Variants in TMEM132D observed in about 807,000 individuals in gnomAD.
The protein encoded by TMEM132D is transmembrane protein 132D.
TMEM132D carries 21 observed loss-of-function variants against 62.3 expected under a neutral mutation model. That is an observed-to-expected ratio of 0.34 (90% CI 0.24 to 0.49). The LOEUF (loss-of-function observed/expected upper bound fraction) is 0.49, where lower values mean the gene tolerates loss of function less well. Ranked by LOEUF, TMEM132D falls within the 20% of genes least tolerant of loss-of-function variation. The probability of loss-of-function intolerance (pLI) is 0.99; values close to 1 mark genes in which losing one functional copy is unlikely to be tolerated. For missense variants in TMEM132D, 1,346 were observed against 1,402.8 expected, an observed-to-expected ratio of 0.96 and a Z score of 0.65; for synonymous variants, 621 against 575.6, an observed-to-expected ratio of 1.08 and a Z score of -1.13.
intron 2 of TMEM132D, among the ~76,000 whole-genome samples, chr12:129,655,131 T>C (rs1463364284): frequency 6.6e-6 from 1 of 151,880 alleles, no homozygotes; most frequent in Non-Finnish European, 1.5e-5. Flanking sequence ...CTATTTTTAG[T>C]AGAGATGGGG....
chr12:129,812,526 G>A (rs184476752), intron 1 of TMEM132D, among the ~76,000 whole-genome samples: 9 of 151,532 alleles, frequency 5.9e-5, no homozygotes, highest in Admixed American at 3.3e-4. Flanking sequence ...CCATTTCCTC[G>A]TTAGTCTTCA....
rs188325488 is a variant in TMEM132D at position 129,895,017 on chromosome 12, C to T, written c.79+8244G>A. Among the ~76,000 whole-genome samples the T allele has an allele frequency of 1.5e-4, 23 of 152,260 alleles. 2 individuals carry two copies. The South Asian group carries it at 3.3e-3, about 22-fold the overall frequency. Reference sequence around the variant, plus strand: ...TGTGTAGCTGCTCTTCTGAGGTTTGCGCGAAGGAGCTCATCTGTTTGGACA... The same window carrying T: ...TGTGTAGCTGCTCTTCTGAGGTTTGTGCGAAGGAGCTCATCTGTTTGGACA... On this transcript the variant is annotated intron_variant, in intron 1 of 8. Transcript: ENST00000422113.
At chr12:129,812,781 C>G (rs1872224853) in intron 1 of TMEM132D, among the ~76,000 whole-genome samples, 1 of 151,704 alleles carries the variant, frequency 6.6e-6, no homozygotes, top group Admixed American at 6.6e-5. Flanking sequence ...TGTGATCCAA[C>G]CAAGATGTGG....
At chr12:129,700,765 T>C (rs1881368227) in intron 1 of TMEM132D, 67 bp from the exon 2 acceptor site, 1 of 1,507,148 alleles carries the variant, frequency 6.6e-7, no homozygotes, top group South Asian at 1.3e-5. Flanking sequence ...ATTTCAGACA[T>C]CTGCGTGCCC....
intron 1 of TMEM132D, among the ~76,000 whole-genome samples, chr12:129,712,798 C>T (rs551076418): frequency 2.0e-5 from 3 of 152,238 alleles, no homozygotes; most frequent in African/African-American, 4.8e-5. Flanking sequence ...TCCTCTCCTT[C>T]GCTTTCTTCC....
intron 4 of TMEM132D, among the ~76,000 whole-genome samples, chr12:129,335,923 T>C (rs1290498602): frequency 6.6e-6 from 1 of 152,194 alleles, no homozygotes; most frequent in African/African-American, 2.4e-5. Flanking sequence ...CTTTGGCCTT[T>C]TTAAGTTTTG....
rs549472406 is a variant in TMEM132D at position 129,266,399 on chromosome 12, CT to C, written c.1300-56737del. Among the ~76,000 whole-genome samples the C allele has an allele frequency of 4.0e-4, 61 of 150,944 alleles. 1 individual carries two copies. The East Asian group carries it at 0.012, about 29-fold the overall frequency. ...CCCTCCTCTCCCCTTCCTTTCTCTT[CT>C]CTCCTCTTCTCTTCTCCTGTTCTGC... On this transcript the variant is annotated intron_variant, in intron 4 of 8. Transcript: ENST00000422113.
intron 3 of TMEM132D, among the ~76,000 whole-genome samples, chr12:129,482,146 A>G (rs1303779304): frequency 1.3e-5 from 2 of 152,098 alleles, no homozygotes; most frequent in Non-Finnish European, 2.9e-5. Context: ...CCCCAGACAC[A>G]CGGGCATTCC....
At chr12:129,549,737 C>A (rs1432585872) in intron 2 of TMEM132D, among the ~76,000 whole-genome samples, 2 of 152,196 alleles carry the variant, frequency 1.3e-5, no homozygotes, top group African/African-American at 4.8e-5. Flanking sequence ...GAACTGTGAG[C>A]TGAAGGCCTG....
At chr12:129,778,152 A>G (rs1366707999) in intron 1 of TMEM132D, among the ~76,000 whole-genome samples, 1 of 148,404 alleles carries the variant, frequency 6.7e-6, no homozygotes, top group Non-Finnish European at 1.5e-5. Context: ...CTTTACCCTT[A>G]TATAATTTTT....
intron 3 of TMEM132D, among the ~76,000 whole-genome samples, chr12:129,483,186 G>C (rs1302250009): frequency 6.6e-6 from 1 of 152,184 alleles, no homozygotes; most frequent in Non-Finnish European, 1.5e-5. Flanking sequence ...TGAACGTACA[G>C]TCTGCATGTC....
In TMEM132D at chr12:129,827,427, C is replaced by G. The variant is rs1872691872; in HGVS notation, c.79+75834G>C. Among the ~76,000 whole-genome samples the G allele has an allele frequency of 1.3e-5, 2 of 152,172 alleles. No individual in the cohort carries two copies. ...GCTGAACCAAAACAGGCTTTCTTCT[C>G]CCTTCCATGGTCCTCATATAAGCAA... On this transcript the variant is annotated intron_variant, in intron 1 of 8. Transcript: ENST00000422113. The surrounding 1 kb of genome is among the most constrained non-coding windows in gnomAD (Gnocchi z 9.7).
intron 3 of TMEM132D, among the ~76,000 whole-genome samples, chr12:129,498,619 T>C (rs1875035209): frequency 6.6e-6 from 1 of 152,228 alleles, no homozygotes; most frequent in African/African-American, 2.4e-5. Context: ...TCTCTACTGG[T>C]TAACTTGGTC....
chr12:129,754,064 C>T (rs1054637154), intron 1 of TMEM132D, among the ~76,000 whole-genome samples: 2 of 152,168 alleles, frequency 1.3e-5, no homozygotes, highest in Non-Finnish European at 2.9e-5. Flanking sequence ...TCAGAGAATA[C>T]AGGCATTATC....
intron 2 of TMEM132D, among the ~76,000 whole-genome samples, chr12:129,678,784 C>T (rs6486494): frequency 0.58 from 87,966 of 151,866 alleles, 25,848 homozygotes; most frequent in Admixed American, 0.7. Flanking sequence ...CCAATTGATA[C>T]GACATCAATG....
intron 5 of TMEM132D, among the ~76,000 whole-genome samples, chr12:129,095,433 C>A (rs1875080659): frequency 6.8e-6 from 1 of 147,096 alleles, no homozygotes; most frequent in South Asian, 2.2e-4. Flanking sequence ...TGGCTCACTG[C>A]AACCTCTGCC....
chr12:129,717,054 T>G (rs1868606323), intron 1 of TMEM132D, among the ~76,000 whole-genome samples: 1 of 152,154 alleles, frequency 6.6e-6, no homozygotes, highest in Non-Finnish European at 1.5e-5. Context: ...TCCAGGCCAG[T>G]GCAGTCTCAT....
At chr12:129,831,122 T>G (rs1241083059) in intron 1 of TMEM132D, among the ~76,000 whole-genome samples, 1 of 152,120 alleles carries the variant, frequency 6.6e-6, no homozygotes, top group Non-Finnish European at 1.5e-5. Flanking sequence ...GCCTGTTTAT[T>G]TCTGACCCCC....
chr12:129,495,593 G>T (rs1329522615), intron 3 of TMEM132D, among the ~76,000 whole-genome samples: 1 of 152,170 alleles, frequency 6.6e-6, no homozygotes, highest in East Asian at 1.9e-4. Context: ...GCATGAGTGA[G>T]CTGACAGAAG....
Sources: gnomAD v4.1 joint callset for allele counts (sites outside exome capture counted in the v4.1 genomes callset) on GRCh38, gnomAD v4.1.1 for gene constraint, Gnocchi (gnomAD v3.1) non-coding constraint, MANE v1.5 for transcripts, NCBI Gene and HGNC (gene_info 2026-07-23, HGNC 2026-07-21) for gene names.